SECTM1: variants seen among roughly 807,000 people sequenced by gnomAD.
SECTM1 encodes the protein secreted and transmembrane protein 1.
A neutral mutation model predicts 18.1 loss-of-function variants in SECTM1; 10 were observed. The ratio of observed to expected loss-of-function variants is 0.55; its 90% CI spans 0.34 to 0.94. The LOEUF (loss-of-function observed/expected upper bound fraction) is 0.94, where lower values mean the gene tolerates loss of function less well. SECTM1 is among the 40% of genes least tolerant of loss of function. The pLI is 0.02. For synonymous variants in SECTM1, 137 were observed against 139.2 expected (o/e 0.98, Z 0.11); for missense variants, 297 against 322.6 (o/e 0.92, Z 0.61).
In SECTM1 at chr17:82,330,991, T is replaced by C. The variant is rs911474448; in HGVS notation, c.-53+2709A>G. On this transcript the variant is annotated intron_variant, in intron 1 of 4. Coordinates refer to ENST00000269389, the MANE Select transcript of SECTM1 (RefSeq NM_003004.3). The surrounding 1 kb of genome is among the most constrained non-coding windows in gnomAD (Gnocchi z 6.1). ...GCTTCTCACACGCGGGTCCTCTCAC[T>C]GCCTCTCCCCGGTCCTCCCTTCCTC... 2.0e-5 allele frequency among the ~76,000 whole-genome samples: 3 copies of C among 152,174 alleles called. No individual in the cohort carries two copies. Among genetic ancestry groups the C allele is most frequent in the Non-Finnish European group, 4.4e-5 (3 of 68,030 alleles).
chr17:82,326,894 G>T lies in SECTM1; in HGVS notation c.94+253C>A, dbSNP rs1039366311. 2.2e-5 allele frequency among the ~76,000 whole-genome samples: 3 copies of T among 134,642 alleles called. No homozygotes were observed. Among genetic ancestry groups the T allele is most frequent in the African/African-American group, 9.1e-5 (3 of 33,130 alleles). The allele number at this position is 134,642 out of a possible 152,430, so 88.3% of individuals were successfully genotyped here. A position where few individuals can be genotyped will look rare whatever the true frequency, so the allele number is the denominator to read the frequency against. ...GACAGTGACCACCAGGTACCACAGC[G>T]GGCACCACCGCCCTCCACCCACGGC... is the stretch of plus-strand genomic sequence containing the variant. On this transcript the variant is annotated intron_variant, in intron 2 of 4. Coordinates refer to ENST00000269389, the MANE Select transcript of SECTM1 (RefSeq NM_003004.3). This position sits in a 1 kb window ranked among gnomAD's most constrained non-coding sequence, Gnocchi z 4.3.
chr17:82,322,888 T>C lies in SECTM1; in HGVS notation c.527A>G (p.Gln176Arg), dbSNP rs752776114. Residue 176 changes from glutamine (Q) to arginine (R), a missense_variant, in exon 4 of 5, where the codon CAA (glutamine) becomes CGA (arginine). Gln to Arg is a conservative substitution (Grantham distance 43). Coordinates refer to ENST00000269389, the MANE Select transcript of SECTM1 (RefSeq NM_003004.3). ...TGCAGGGCCTCCTACCTCCCGGCGT[T>C]GCTGGGAACAGCGGCACCTGTACCA... ...FAWYRCRCSQQRREKKFFLLE... is the reference protein window; with the variant it reads ...FAWYRCRCSQRRREKKFFLLE... 6.2e-7 allele frequency: 1 copy of C among 1,613,744 alleles called. No individual in the cohort carries two copies. The highest frequency in any genetic ancestry group is 8.5e-7 in the Non-Finnish European group (1 of 1,179,960).
In SECTM1 at chr17:82,329,417, G is replaced by C. The variant is rs536117877; in HGVS notation, c.-52-2125C>G. 2.6e-5 allele frequency: 4 copies of C among 152,234 alleles called. No homozygotes were observed. Among genetic ancestry groups the C allele is most frequent in the Admixed American group, 6.5e-5 (1 of 15,276 alleles). The allele number at this position is 152,234 out of a possible 1,614,324, so 9.4% of individuals were successfully genotyped here. On this transcript the variant is annotated intron_variant, in intron 1 of 4. Transcript: ENST00000269389. This position sits in a 1 kb window ranked among gnomAD's most constrained non-coding sequence, Gnocchi z 7.6. ...CTGCGGGTGCCGTGTCCTGAGGTCT[G>C]GGTTCCCCACTCCAGGCAGCCGCTA...
chr17:82,323,727 C>A (rs759013886), intron 3 of SECTM1, among the ~76,000 whole-genome samples: 2 of 151,794 alleles, frequency 1.3e-5, no homozygotes, highest in Admixed American at 1.3e-4. Context: ...CTGGTGGTGA[C>A]GGCTGTGGGC....
intron 3 of SECTM1, chr17:82,323,265 G>A (rs2052113858): frequency 5.9e-6 from 3 of 510,920 alleles, no homozygotes; most frequent in Non-Finnish European, 1.1e-5. Flanking sequence ...ACCCCTGGAT[G>A]TGCCAGGTCC....
chr17:82,332,708 A>G (rs1481403761), intron 1 of SECTM1, among the ~76,000 whole-genome samples: 1 of 152,160 alleles, frequency 6.6e-6, no homozygotes, highest in African/African-American at 2.4e-5. Flanking sequence ...ACCCCAGGTG[A>G]GCAGCAAAGC....
In SECTM1 at chr17:82,325,826, C is replaced by G. The variant is rs555307409; in HGVS notation, c.95-936G>C. 3.9e-5 allele frequency among the ~76,000 whole-genome samples: 6 copies of G among 152,328 alleles called. No homozygotes were observed. The East Asian group carries it at 9.7e-4, about 25-fold the overall frequency. ...ACGGACGGATGGACGGACAGACGGACGGCAGGGTGAGCTCTCGGGGAGCAC... is the reference window on the plus strand; with the variant it reads ...ACGGACGGATGGACGGACAGACGGAGGGCAGGGTGAGCTCTCGGGGAGCAC... On this transcript the variant is annotated intron_variant, in intron 2 of 4. Coordinates refer to ENST00000269389, the MANE Select transcript of SECTM1 (RefSeq NM_003004.3). This position sits in a 1 kb window ranked among gnomAD's most constrained non-coding sequence, Gnocchi z 7.6.
chr17:82,329,012 T>C lies in SECTM1; in HGVS notation c.-52-1720A>G, dbSNP rs1180093920. On this transcript the variant is annotated intron_variant, in intron 1 of 4. Coordinates refer to ENST00000269389, the MANE Select transcript of SECTM1 (RefSeq NM_003004.3). This position sits in a 1 kb window ranked among gnomAD's most constrained non-coding sequence, Gnocchi z 7.6. ...ATGTCTATAGATTTATAGATGTGTG[T>C]TTCTCCAAACAAATAAACCACCAGA... is the stretch of plus-strand genomic sequence containing the variant. Among the ~76,000 whole-genome samples the C allele has an allele frequency of 6.6e-6, 1 of 152,148 alleles. No individual in the cohort carries two copies.
At position 82,328,833 on chromosome 17, in the gene SECTM1, G is replaced by T. The variant is rs1415582683; in HGVS notation, c.-52-1541C>A. The stretch of plus-strand genomic sequence containing the variant: ...AGGCTGCCCTGCCTCTCGGGTGCCT[G>T]CACCCCTGCTAGGAAAAGTCCCTAG... On this transcript the variant is annotated intron_variant, in intron 1 of 4. Transcript: ENST00000269389. The surrounding 1 kb of genome is among the most constrained non-coding windows in gnomAD (Gnocchi z 5.8). 1.2e-4 allele frequency among the ~76,000 whole-genome samples: 18 copies of T among 152,098 alleles called. No individual in the cohort carries two copies. The highest frequency in any genetic ancestry group is 4.4e-5 in the Non-Finnish European group (3 of 68,002).
intron 1 of SECTM1, among the ~76,000 whole-genome samples, chr17:82,333,082 CCT>C (rs1364058309): frequency 6.6e-6 from 1 of 152,204 alleles, no homozygotes; most frequent in African/African-American, 2.4e-5. Context: ...CCTCACGGTT[CCT>C]GTTTCATGAG....
chr17:82,333,322 G>A (rs1371311718), intron 1 of SECTM1, among the ~76,000 whole-genome samples: 1 of 152,208 alleles, frequency 6.6e-6, no homozygotes, highest in African/African-American at 2.4e-5. Flanking sequence ...CCCCGGGTCC[G>A]AGACGCCGCC....
chr17:82,324,062 G>T lies in SECTM1; in HGVS notation c.403+520C>A, dbSNP rs1200959455. Reference sequence around the variant, plus strand: ...AAGGGTGCTGCGCGGGCGACCTTGAGCACCTCTGGGTGACCCCAGTAAAGG... The same window carrying T: ...AAGGGTGCTGCGCGGGCGACCTTGATCACCTCTGGGTGACCCCAGTAAAGG... On this transcript the variant is annotated intron_variant, in intron 3 of 4. Transcript: ENST00000269389. Among the ~76,000 whole-genome samples the T allele has an allele frequency of 2.0e-5, 3 of 152,164 alleles. No homozygotes were observed. The South Asian group carries it at 6.2e-4, about 32-fold the overall frequency.
At chr17:82,332,726 G>T (rs1219455148) in intron 1 of SECTM1, among the ~76,000 whole-genome samples, 1 of 152,214 alleles carries the variant, frequency 6.6e-6, no homozygotes, top group Admixed American at 6.5e-5. Context: ...AGCCCCCCAG[G>T]CCTGGGGCTA....
chr17:82,323,274 C>A, intron 3 of SECTM1: 1 of 492,168 alleles, frequency 2.0e-6, no homozygotes, highest in South Asian at 2.4e-5. Context: ...TGTGCCAGGT[C>A]CCAGGAGCTG....
chr17:82,323,152 G>T, intron 3 of SECTM1, 141 bp from the exon 4 acceptor site: 2 of 1,003,340 alleles, frequency 2.0e-6, no homozygotes, highest in Non-Finnish European at 2.9e-6. Flanking sequence ...CCGTTGCCCA[G>T]GAGGTACAGG....
intron 4 of SECTM1, 69 bp downstream of exon 4, chr17:82,322,809 G>A: frequency 6.4e-7 from 1 of 1,573,090 alleles, no homozygotes; most frequent in East Asian, 2.3e-5. Context: ...CAGTAAGGCT[G>A]ACCTCAGCCT....
intron 4 of SECTM1, 135 bp downstream of exon 4, chr17:82,322,743 G>T: frequency 8.8e-7 from 1 of 1,142,682 alleles, no homozygotes; most frequent in Non-Finnish European, 1.2e-6. Context: ...GCGGGGACTG[G>T]CTCTCTGGGA....
rs887834724 is a variant in SECTM1, at chr17:82,326,561, T to C, written c.94+586A>G. 7.2e-5 allele frequency among the ~76,000 whole-genome samples: 11 copies of C among 151,794 alleles called. No individual in the cohort carries two copies. The highest frequency in any genetic ancestry group is 2.0e-4 in the Admixed American group (3 of 15,232). On this transcript the variant is annotated intron_variant, in intron 2 of 4. Coordinates refer to ENST00000269389, the MANE Select transcript of SECTM1 (RefSeq NM_003004.3). The surrounding 1 kb of genome is among the most constrained non-coding windows in gnomAD (Gnocchi z 4.3). Reference sequence around the variant, plus strand: ...CTGCGGTGAGCTGTGATTGTACCACTGCACTCCAGCCTGGGCGTCCAGCCT... The same window carrying C: ...CTGCGGTGAGCTGTGATTGTACCACCGCACTCCAGCCTGGGCGTCCAGCCT...
chr17:82,326,979 C>CCTCCACCCACGGCGGG lies in SECTM1; in HGVS notation c.94+167_94+168insCCCGCCGTGGGTGGAG, dbSNP rs1344691407. 3.2e-4 allele frequency among the ~76,000 whole-genome samples: 49 copies of CCTCCACCCACGGCGGG among 151,844 alleles called. No homozygotes were observed. Among genetic ancestry groups the CCTCCACCCACGGCGGG allele is most frequent in the African/African-American group, 6.5e-4 (27 of 41,372 alleles). On this transcript the variant is annotated intron_variant, in intron 2 of 4. Coordinates refer to ENST00000269389, the MANE Select transcript of SECTM1 (RefSeq NM_003004.3). This position sits in a 1 kb window ranked among gnomAD's most constrained non-coding sequence, Gnocchi z 4.3. Reference sequence around the variant, plus strand: ...CGGCGGGACACGGTCCACTCACCGCCACCTGAGGCAGCCCAGCTCCACATG... The same window carrying CCTCCACCCACGGCGGG: ...CGGCGGGACACGGTCCACTCACCGCCCTCCACCCACGGCGGGACCTGAGGCAGCCCAGCTCCACATG...
Sources: allele counts gnomAD v4.1 joint callset (sites outside exome capture counted in the v4.1 genomes callset), GRCh38; gene constraint gnomAD v4.1.1; non-coding constraint Gnocchi (gnomAD v3.1); transcripts MANE v1.5; gene names NCBI Gene and HGNC (gene_info 2026-07-23, HGNC 2026-07-21).